PIGN: variants seen among roughly 807,000 people sequenced by gnomAD.
PIGN encodes the protein GPI ethanolamine phosphate transferase 1.
In PIGN, 117 loss-of-function variants were observed where a neutral mutation model predicts 125.4. The ratio of observed to expected loss-of-function variants is 0.93; its 90% CI spans 0.80 to 1.09. PIGN has a LOEUF of 1.09. PIGN is among the 50% of genes least tolerant of loss of function. The pLI is 0.00. For synonymous variants in PIGN, 392 were observed against 377.8 expected, an observed-to-expected ratio of 1.04 and a Z score of -0.44; for missense variants, 1,075 against 1,094.9, an observed-to-expected ratio of 0.98 and a Z score of 0.26.
At chr18:62,101,021 T>C in intron 22 of PIGN, 54 bp downstream of exon 22, 1 of 915,680 alleles carries the variant, frequency 1.1e-6, no homozygotes, top group Non-Finnish European at 1.8e-6. Context: ...CAGATCATTT[T>C]AAAATAACTA....
At chr18:62,167,723 C>T (rs2037203931) in intron 1 of PIGN, among the ~76,000 whole-genome samples, 1 of 151,168 alleles carries the variant, frequency 6.6e-6, no homozygotes, top group Admixed American at 6.6e-5. Flanking sequence ...TACACACACA[C>T]ACAATAGAAG....
chr18:62,065,131 C>A (rs1303415711), intron 30 of PIGN, among the ~76,000 whole-genome samples: 2 of 152,172 alleles, frequency 1.3e-5, no homozygotes, highest in Non-Finnish European at 2.9e-5. Context: ...TCTCTCCCTC[C>A]CTTTGTCCTC....
chr18:62,131,177 A>G (rs1419471647), intron 14 of PIGN, among the ~76,000 whole-genome samples: 3 of 152,136 alleles, frequency 2.0e-5, no homozygotes, highest in Non-Finnish European at 2.9e-5. Flanking sequence ...GAAACCAAAT[A>G]CTGTTGCCAT....
chr18:62,163,096 T>C (rs191293241), intron 2 of PIGN, among the ~76,000 whole-genome samples: 2 of 152,296 alleles, frequency 1.3e-5, no homozygotes, highest in East Asian at 3.9e-4. Context: ...GCATCAGTCA[T>C]ATTACAGTAC....
chr18:62,074,730 A>C, intron 29 of PIGN, 49 bp downstream of exon 29: 1 of 1,221,364 alleles, frequency 8.2e-7, no homozygotes, highest in Middle Eastern at 2.3e-4. Flanking sequence ...TATTAAATTA[A>C]CCCAGGACTC....
intron 7 of PIGN, among the ~76,000 whole-genome samples, chr18:62,150,185 T>C (rs563127747): frequency 3.3e-4 from 51 of 152,296 alleles, no homozygotes; most frequent in Middle Eastern, 3.4e-3. Flanking sequence ...GATATCACCA[T>C]GTTGGCTAGG....
chr18:62,115,066 G>T (rs931419635), intron 14 of PIGN, among the ~76,000 whole-genome samples: 1 of 152,030 alleles, frequency 6.6e-6, no homozygotes, highest in Non-Finnish European at 1.5e-5. Context: ...AGCCAAACAG[G>T]GCCTGAGAAT....
At chr18:62,176,336 C>T (rs936990471) in intron 1 of PIGN, among the ~76,000 whole-genome samples, 1 of 151,876 alleles carries the variant, frequency 6.6e-6, no homozygotes, top group Non-Finnish European at 1.5e-5. Flanking sequence ...GCAAACATCA[C>T]AGTAATTATT....
In PIGN at chr18:62,106,082, T is replaced by G. The variant is rs139523890; in HGVS notation, c.1768-448A>C. ...TTGATGAAGACATCTATAAAAAAGG[T>G]GGCCTACAATAATCACCAAACAACT... On this transcript the variant is annotated intron_variant, in intron 19 of 30. Transcript: ENST00000640252. 9.1e-3 allele frequency among the ~76,000 whole-genome samples: 1,384 copies of G among 152,294 alleles called. 21 individuals carry two copies. Among genetic ancestry groups the G allele is most frequent in the African/African-American group, 0.031 (1,299 of 41,572 alleles).
At chr18:62,029,286 C>CT (rs1185337447) in intron 23 of PIGN, among the ~76,000 whole-genome samples, 2 of 152,166 alleles carry the variant, frequency 1.3e-5, no homozygotes, top group Admixed American at 1.3e-4. Context: ...CCTCTCTCTT[C>CT]TTTTTTCTCA....
intron 13 of PIGN, among the ~76,000 whole-genome samples, chr18:62,138,670 A>G (rs927754825): frequency 6.6e-5 from 10 of 152,214 alleles, no homozygotes; most frequent in Non-Finnish European, 2.9e-5. Flanking sequence ...TGGAATGACA[A>G]GAAATGTTGC....
Position 62,042,744 on chromosome 18 carries a change from C to T in PIGN, c.*3112G>A, listed in dbSNP as rs553216506. 2.2e-4 allele frequency: 33 copies of T among 151,778 alleles called. No homozygotes were observed. The highest frequency in any genetic ancestry group is 8.0e-4 in the African/African-American group (33 of 41,366). The allele number at this position is 151,778 out of a possible 1,614,324, so 9.4% of individuals were successfully genotyped here. ...TGGAAAACATAGTGAAACCCTGTCT[C>T]CATCAAAAAATATTTTAAAATTAGC... On this transcript the variant is annotated 3_prime_UTR_variant, in exon 31 of 31. Transcript: ENST00000640252.
intron 1 of PIGN, among the ~76,000 whole-genome samples, chr18:62,180,388 G>A (rs117384678): frequency 6.6e-6 from 1 of 152,184 alleles, no homozygotes; most frequent in East Asian, 1.9e-4. Context: ...TCTATAAGTG[G>A]AATTGCTCTA....
intron 7 of PIGN, among the ~76,000 whole-genome samples, chr18:62,152,686 G>A (rs1298628137): frequency 6.6e-6 from 1 of 151,884 alleles, no homozygotes; most frequent in East Asian, 1.9e-4. Context: ...TATACTGAAA[G>A]TAAAAAACAA....
At chr18:62,164,466 A>G (rs1599669175) in intron 1 of PIGN, among the ~76,000 whole-genome samples, 1 of 152,336 alleles carries the variant, frequency 6.6e-6, no homozygotes, top group South Asian at 2.1e-4. Context: ...ACAAAGGAGA[A>G]GCAAGCACGC....
intron 1 of PIGN, among the ~76,000 whole-genome samples, chr18:62,176,673 G>A (rs953890282): frequency 2.0e-5 from 3 of 151,900 alleles, no homozygotes; most frequent in Non-Finnish European, 4.4e-5. Context: ...GACCCAAATT[G>A]AGACAGCCTA....
At chr18:62,101,046 T>C in intron 22 of PIGN, 29 bp downstream of exon 22, 2 of 1,153,052 alleles carry the variant, frequency 1.7e-6, no homozygotes, top group Non-Finnish European at 2.6e-6. Flanking sequence ...GATGTCAAAT[T>C]ACCTCACCTG....
In PIGN at chr18:62,043,835, T is replaced by G. The variant is rs1271939490; in HGVS notation, c.*2021A>C. 1 of 152,222 alleles carries G rather than the reference T, an allele frequency of 6.6e-6. No homozygotes were observed. The highest frequency in any genetic ancestry group is 1.5e-5 in the Non-Finnish European group (1 of 68,024). 9.4% of individuals were successfully genotyped at this position (152,222 alleles called of 1,614,324 possible). A position where few individuals can be genotyped will look rare whatever the true frequency, so the allele number is the denominator to read the frequency against. ...ATAACAATTCCTAATTTAAACATTGTTAATCAGCAAATGTCCTAAGTCTTG... is the reference window on the plus strand; with the variant it reads ...ATAACAATTCCTAATTTAAACATTGGTAATCAGCAAATGTCCTAAGTCTTG... On this transcript the variant is annotated 3_prime_UTR_variant, in exon 31 of 31. Transcript: ENST00000640252.
chr18:62,160,997 A>T, intron 4 of PIGN, 136 bp downstream of exon 4: 1 of 574,900 alleles, frequency 1.7e-6, no homozygotes, highest in Non-Finnish European at 3.1e-6. Flanking sequence ...AGACAAAGGC[A>T]AATGTACAAG....
Sources: gnomAD v4.1 joint callset for allele counts (sites outside exome capture counted in the v4.1 genomes callset) on GRCh38, gnomAD v4.1.1 for gene constraint, MANE v1.5 for transcripts, NCBI Gene and HGNC (gene_info 2026-07-23, HGNC 2026-07-21) for gene names.